Variants in SDAD1 observed in about 807,000 individuals in gnomAD.
The protein encoded by SDAD1 is protein SDA1 homolog.
A neutral mutation model predicts 100.3 loss-of-function variants in SDAD1; 79 were observed. That is an observed-to-expected ratio of 0.79 (90% confidence interval 0.66 to 0.95). The LOEUF is 0.95. SDAD1 is among the 40% of genes least tolerant of loss of function. The pLI is 0.00. For missense variants in SDAD1, 790 were observed against 810.9 expected (o/e 0.97, Z 0.31); for synonymous variants, 267 against 271.4 (o/e 0.98, Z 0.16).
chr4:75,988,414 T>G (rs1731030098), intron 1 of SDAD1, among the ~76,000 whole-genome samples: 1 of 152,164 alleles, frequency 6.6e-6, no homozygotes, highest in Non-Finnish European at 1.5e-5. Context: ...TTCCTAAACA[T>G]ATGCACAGCT....
Position 75,975,765 on chromosome 4 carries a change from T to C in SDAD1, c.557A>G (p.Glu186Gly), listed in dbSNP as rs747981074. Residue 186 changes from glutamate (E) to glycine (G), a missense_variant, in exon 6 of 22, where the codon GAA becomes GGA. Transcript: ENST00000356260. ...CTACCAGATGTTCCTTCTGTAGAGT[T>C]CAATCATTACATCTAAAGACATCTT... is the stretch of plus-strand genomic sequence containing the variant. The part of the protein sequence containing the change: ...AAKMSLDVMI[E>G]LYRRNIWNDA... The C allele has an allele frequency of 2.5e-6, 4 of 1,613,248 alleles. No individual in the cohort carries two copies. The highest frequency in any genetic ancestry group is 3.4e-6 in the Non-Finnish European group (4 of 1,179,210).
intron 17 of SDAD1, among the ~76,000 whole-genome samples, chr4:75,959,093 G>T (rs1299161161): frequency 1.2e-3 from 27 of 22,806 alleles, no homozygotes; most frequent in African/African-American, 5.1e-3. Flanking sequence ...GCAAGACTCT[G>T]TCTCAAAAAA....
rs764906855 is a variant in SDAD1 at position 75,957,896 on chromosome 4, C to G, written c.1529G>C (p.Gly510Ala). The G allele has an allele frequency of 6.2e-7, 1 of 1,613,260 alleles. No homozygotes were observed. Among genetic ancestry groups the G allele is most frequent in the Non-Finnish European group, 8.5e-7 (1 of 1,180,032 alleles). ...AGAGTGTTGCACATCAATCCATTCACCATCAGCATCCTCCTCCTCACTGAG... is the reference window on the plus strand; with the variant it reads ...AGAGTGTTGCACATCAATCCATTCAGCATCAGCATCCTCCTCCTCACTGAG... ...TSLSEEEDAD[G>A]EWIDVQHSSD... Residue 510 changes from glycine (G) to alanine (A), a missense_variant, in exon 18 of 22, where the codon GGT becomes GCT. Transcript: ENST00000356260.
Position 75,961,198 on chromosome 4 carries a change from A to C in SDAD1, c.1279+13T>G. ...TGTACTCTTTGGTGTGTAGAGAGTA[A>C]CATGCAGCTTACTCTTATCCTTGTG... is the stretch of plus-strand genomic sequence containing the variant. On this transcript the variant is annotated intron_variant, in intron 15 of 21. Transcript: ENST00000356260. The C allele has an allele frequency of 6.2e-7, 1 of 1,611,606 alleles. No homozygotes were observed. Among genetic ancestry groups the C allele is most frequent in the Non-Finnish European group, 8.5e-7 (1 of 1,177,722 alleles).
At chr4:75,950,850 C>A in intron 21 of SDAD1, 53 bp from the exon 22 acceptor site, 3 of 1,267,138 alleles carry the variant, frequency 2.4e-6, no homozygotes, top group Non-Finnish European at 3.3e-6. Context: ...CCCTATTATA[C>A]GAATTTGGTT....
intron 21 of SDAD1, among the ~76,000 whole-genome samples, chr4:75,951,980 T>C: frequency 6.6e-6 from 1 of 152,234 alleles, no homozygotes; most frequent in East Asian, 1.9e-4. Flanking sequence ...TGGCTCTACA[T>C]ACAAATGTTC....
chr4:75,955,747 C>A (rs1231594975), intron 21 of SDAD1, among the ~76,000 whole-genome samples: 1 of 152,186 alleles, frequency 6.6e-6, no homozygotes, highest in East Asian at 1.9e-4. Context: ...ACAGCTGAGT[C>A]TCAATCAAGT....
intron 1 of SDAD1, among the ~76,000 whole-genome samples, chr4:75,988,092 T>C (rs1455185610): frequency 6.6e-6 from 1 of 152,154 alleles, no homozygotes. Flanking sequence ...CTAGCACCAC[T>C]CAACCCAGCA....
rs1728565719 is a variant in SDAD1, at chr4:75,950,399, A to G, written c.*351T>C. 1 of 210,912 alleles carries G rather than the reference A, an allele frequency of 4.7e-6. No homozygotes were observed. Among genetic ancestry groups the G allele is most frequent in the Admixed American group, 5.1e-5 (1 of 19,606 alleles). 13.1% of individuals were successfully genotyped at this position (210,912 alleles called of 1,614,324 possible). A position where few individuals can be genotyped will look rare whatever the true frequency, so the allele number is the denominator to read the frequency against. On this transcript the variant is annotated 3_prime_UTR_variant, in exon 22 of 22. Transcript: ENST00000356260. ...CAGAACTATTTACACTGCACTGTAAATACACATATGTGTGTCCACCCTCAC... is the reference window on the plus strand; with the variant it reads ...CAGAACTATTTACACTGCACTGTAAGTACACATATGTGTGTCCACCCTCAC...
At chr4:75,963,958 C>T (rs969203867) in intron 14 of SDAD1, among the ~76,000 whole-genome samples, 177 bp downstream of exon 14, 1 of 152,160 alleles carries the variant, frequency 6.6e-6, no homozygotes, top group African/African-American at 2.4e-5. Flanking sequence ...TCTCTGGCTC[C>T]CTTCTCAAAA....
chr4:75,957,627 C>T lies in SDAD1; in HGVS notation c.1660G>A (p.Glu554Lys). The change falls in exon 19 of 22, where the codon GAA becomes AAA. Residue 554 changes from glutamate (E) to lysine (K), a missense_variant. Physicochemically the swap from Glu to Lys is moderately conservative, Grantham distance 56 (BLOSUM62 1). Coordinates refer to ENST00000356260, the MANE Select transcript of SDAD1 (RefSeq NM_018115.4). Reference protein sequence around the residue: ...AISTSRVLTQEDFQKIRMAQM... With the variant: ...AISTSRVLTQKDFQKIRMAQM... ...GCCATGCGGATTTTCTGGAAGTCTT[C>T]CTGAGTTAAAACTCGGCTAGTGCTG... The T allele has an allele frequency of 1.2e-6, 2 of 1,614,138 alleles. No homozygotes were observed. The highest frequency in any genetic ancestry group is 1.7e-6 in the Non-Finnish European group (2 of 1,180,032).
At chr4:75,989,747 C>G (rs548388804) in intron 1 of SDAD1, among the ~76,000 whole-genome samples, 5 of 152,294 alleles carry the variant, frequency 3.3e-5, no homozygotes, top group Non-Finnish European at 7.4e-5. Flanking sequence ...ACTTCTTGTA[C>G]TTGTTTCCTA....
intron 9 of SDAD1, among the ~76,000 whole-genome samples, chr4:75,970,744 T>TC (rs1174555277): frequency 6.6e-6 from 1 of 152,204 alleles, no homozygotes; most frequent in Admixed American, 6.5e-5. Context: ...GGGGCAGTTT[T>TC]CCCCATGCTA....
In SDAD1 at chr4:75,990,746, T is replaced by C; in HGVS notation, c.90+6A>G. 1 of 1,613,914 alleles carries C rather than the reference T, an allele frequency of 6.2e-7. No homozygotes were observed. Among genetic ancestry groups the C allele is most frequent in the Non-Finnish European group, 8.5e-7 (1 of 1,179,916 alleles). On this transcript the variant is annotated splice_donor_region_variant and intron_variant, in intron 1 of 21. Coordinates refer to ENST00000356260, the MANE Select transcript of SDAD1 (RefSeq NM_018115.4). The stretch of plus-strand genomic sequence containing the variant: ...GCCTCTAGCGTCTGCCGCGCCGCAC[T>C]CCCACCTCCTCGATGTAGGCCGGCG...
Position 75,990,919 on chromosome 4 carries a change from G to T in SDAD1, c.-78C>A. ...CGGCACCCCGCAATCCCTGCCAGCT[G>T]CAGCTTGGACTCGTGTTTCCGGGTA... On this transcript the variant is annotated 5_prime_UTR_variant, in exon 1 of 22. Transcript: ENST00000356260. 1.3e-6 allele frequency: 2 copies of T among 1,565,496 alleles called. No homozygotes were observed. Among genetic ancestry groups the T allele is most frequent in the Non-Finnish European group, 1.8e-6 (2 of 1,140,312 alleles).
intron 9 of SDAD1, among the ~76,000 whole-genome samples, chr4:75,970,782 T>G (rs577895031): frequency 1.2e-4 from 18 of 152,286 alleles, no homozygotes; most frequent in South Asian, 6.2e-4. Flanking sequence ...TCTCACAAGA[T>G]CTGATGGTTT....
rs753651443 is a variant in SDAD1 at position 75,981,433 on chromosome 4, G to A, written c.233C>T (p.Pro78Leu). ...HCYPEYLSNF[P>L]QEVKDLLSCN... ...GGAGAGAAGATCTTTCACCTCTTGA[G>A]GAAAATTACTTAGGTACTCTGGGTA... is the stretch of plus-strand genomic sequence containing the variant. The change falls in exon 3 of 22, where the codon CCT (proline) becomes CTT (leucine). Residue 78 changes from proline (P) to leucine (L), a missense_variant. By Grantham distance (98) the Pro-to-Leu change is moderately conservative. Transcript: ENST00000356260. 2 of 1,613,692 alleles carry A rather than the reference G, an allele frequency of 1.2e-6. No individual in the cohort carries two copies. The highest frequency in any genetic ancestry group is 3.3e-5 in the Admixed American group (2 of 59,982).
At chr4:75,989,894 G>A (rs1369875151) in intron 1 of SDAD1, among the ~76,000 whole-genome samples, 3 of 152,112 alleles carry the variant, frequency 2.0e-5, no homozygotes, top group African/African-American at 7.2e-5. Flanking sequence ...AGTGAGAAGG[G>A]CAATGAAAAA....
At position 75,975,830 on chromosome 4, in the gene SDAD1, G is replaced by A; in HGVS notation, c.492C>T (p.Phe164=). The change falls in exon 6 of 22, where the codon TTC becomes TTT. Residue 164 remains phenylalanine, a synonymous_variant. Coordinates refer to ENST00000356260, the MANE Select transcript of SDAD1 (RefSeq NM_018115.4). ...NNKVNVVLQN[F]MYTMLRDSNA... is the part of the protein sequence containing the mutation. ...TGCTATCTCTTAACATGGTGTACAT[G>A]AAATTTTGCAATACCTGCAGAAAAG... The A allele has an allele frequency of 6.2e-7, 1 of 1,613,806 alleles. No individual in the cohort carries two copies. Among genetic ancestry groups the A allele is most frequent in the Non-Finnish European group, 8.5e-7 (1 of 1,179,762 alleles).
Sources: gnomAD v4.1 joint callset for allele counts (sites outside exome capture counted in the v4.1 genomes callset) on GRCh38, gnomAD v4.1.1 for gene constraint, MANE v1.5 for transcripts, NCBI Gene and HGNC (gene_info 2026-07-23, HGNC 2026-07-21) for gene names.